GLIS1: variants seen among roughly 807,000 people sequenced by gnomAD.
GLIS1 encodes zinc finger protein GLIS1.
Under a neutral mutation model 63.8 loss-of-function variants are expected in GLIS1, and 24 were observed. The observed-to-expected ratio is 0.38, with a 90% CI of 0.27 to 0.53. The LOEUF is 0.53. Ranked by LOEUF, GLIS1 falls within the 20% of genes least tolerant of loss-of-function variation. The pLI is 0.85. For synonymous variants in GLIS1, 450 were observed against 482.5 expected, an observed-to-expected ratio of 0.93 and a Z score of 0.88; for missense variants, 1,036 against 1,074.1, an observed-to-expected ratio of 0.96 and a Z score of 0.50.
chr1:53,554,413 T>C (rs1403789937), intron 4 of GLIS1, among the ~76,000 whole-genome samples: 1 of 152,142 alleles, frequency 6.6e-6, no homozygotes. Flanking sequence ...ACTGAGGTCA[T>C]GGCAGGCAGT....
intron 2 of GLIS1, among the ~76,000 whole-genome samples, chr1:53,625,329 G>A (rs1482362382): frequency 6.6e-6 from 1 of 152,146 alleles, no homozygotes; most frequent in Non-Finnish European, 1.5e-5. Flanking sequence ...TTTATTTGGG[G>A]GCTTTGAGTA....
At chr1:53,543,150 AT>A (rs1344363874) in intron 4 of GLIS1, among the ~76,000 whole-genome samples, 3 of 152,026 alleles carry the variant, frequency 2.0e-5, no homozygotes, top group East Asian at 1.9e-4. Flanking sequence ...TTAAAGTTAC[AT>A]TTTTTTTCTC....
intron 2 of GLIS1, among the ~76,000 whole-genome samples, chr1:53,618,035 C>G (rs79940482): frequency 6.6e-6 from 1 of 152,252 alleles, no homozygotes; most frequent in African/African-American, 2.4e-5. Flanking sequence ...GGTGAGCAGG[C>G]AGTCCAGGCC....
chr1:53,592,150 C>T (rs904469084), intron 4 of GLIS1, among the ~76,000 whole-genome samples: 6 of 152,090 alleles, frequency 3.9e-5, no homozygotes, highest in Admixed American at 6.5e-5. Flanking sequence ...GCAGCCTGGC[C>T]GCAGAGAGAG....
rs1323124747 is a variant in GLIS1 at position 53,639,244 on chromosome 1, A to T, written c.260-38966T>A. Among the ~76,000 whole-genome samples, 1 of 152,088 alleles carries T rather than the reference A, an allele frequency of 6.6e-6. No individual in the cohort carries two copies. The highest frequency in any genetic ancestry group is 2.4e-5 in the African/African-American group (1 of 41,418). ...CACTGGCCACACTCTCCAGCATTAC[A>T]CTAAGGGAGCTGCGGGCTGGCAGGG... On this transcript the variant is annotated intron_variant, in intron 2 of 10. Transcript: ENST00000628545. This position sits in a 1 kb window ranked among gnomAD's most constrained non-coding sequence, Gnocchi z 4.6.
At position 53,529,869 on chromosome 1, in the gene GLIS1, C is replaced by G; in HGVS notation, c.1404G>C (p.Leu468=). ...LRSHTGEKPY[L]CQHPGCQKAF... ...CCTTCTGGCAACCCGGGTGCTGGCACAGGTACGGCTTCTCGCCCGTGTGGC... is the reference window on the plus strand; with the variant it reads ...CCTTCTGGCAACCCGGGTGCTGGCAGAGGTACGGCTTCTCGCCCGTGTGGC... The change falls in exon 5 of 11, where the codon CTG becomes CTC. Residue 468 remains leucine (L), a synonymous_variant. Coordinates refer to ENST00000628545, the MANE Select transcript of GLIS1 (RefSeq NM_001367484.1). The G allele has an allele frequency of 1.9e-6, 3 of 1,613,958 alleles. No individual in the cohort carries two copies. Among genetic ancestry groups the G allele is most frequent in the Non-Finnish European group, 2.5e-6 (3 of 1,179,976 alleles).
Position 53,583,525 on chromosome 1 carries a change from C to T in GLIS1, c.1320+10583G>A, listed in dbSNP as rs747746196. Among the ~76,000 whole-genome samples the T allele has an allele frequency of 5.9e-5, 9 of 152,184 alleles. No individual in the cohort carries two copies. The South Asian group carries it at 6.2e-4, about 11-fold the overall frequency. The stretch of plus-strand genomic sequence containing the variant: ...GCCCCATCCCCAGGAAACGTACCGC[C>T]CAGTACCACATTGTCCATCTGCTGT... On this transcript the variant is annotated intron_variant, in intron 4 of 10. Transcript: ENST00000628545.
At chr1:53,582,751 G>A (rs964440219) in intron 4 of GLIS1, among the ~76,000 whole-genome samples, 3 of 152,190 alleles carry the variant, frequency 2.0e-5, no homozygotes, top group Non-Finnish European at 2.9e-5. Flanking sequence ...TGCCTCTTTC[G>A]CTCTGCAATT....
At chr1:53,665,020 A>G (rs959475237) in intron 2 of GLIS1, among the ~76,000 whole-genome samples, 2 of 152,130 alleles carry the variant, frequency 1.3e-5, no homozygotes, top group African/African-American at 2.4e-5. Flanking sequence ...TGCCATTGTA[A>G]GTAAGGACTG....
chr1:53,707,035 T>A (rs1050362048), intron 2 of GLIS1, among the ~76,000 whole-genome samples: 1 of 152,152 alleles, frequency 6.6e-6, no homozygotes, highest in African/African-American at 2.4e-5. Flanking sequence ...GCTTCTTTTT[T>A]AAAAGTAAGG....
At chr1:53,535,191 C>A (rs1439918444) in intron 4 of GLIS1, among the ~76,000 whole-genome samples, 3 of 151,974 alleles carry the variant, frequency 2.0e-5, no homozygotes, top group Admixed American at 1.3e-4. Context: ...CTGCAGCAGG[C>A]AAATTTGGGG....
chr1:53,617,855 T>C lies in GLIS1; in HGVS notation c.260-17577A>G, dbSNP rs376352210. 8.3e-4 allele frequency among the ~76,000 whole-genome samples: 126 copies of C among 152,270 alleles called. No individual in the cohort carries two copies. In the South Asian group the frequency reaches 0.026, roughly 31 times the overall value. ...CAGCTCCCAGCCATCCTTCTTCAGG[T>C]AGGGAAAGCAAGGTCTCCCCCAAGG... On this transcript the variant is annotated intron_variant, in intron 2 of 10. Coordinates refer to ENST00000628545, the MANE Select transcript of GLIS1 (RefSeq NM_001367484.1).
chr1:53,688,108 G>T (rs1646360729), intron 2 of GLIS1, among the ~76,000 whole-genome samples: 1 of 152,212 alleles, frequency 6.6e-6, no homozygotes, highest in Non-Finnish European at 1.5e-5. Context: ...TTCCTGCTCG[G>T]CAGGCTCTGG....
intron 6 of GLIS1, among the ~76,000 whole-genome samples, chr1:53,524,363 C>G (rs2100307588): frequency 6.6e-6 from 1 of 152,380 alleles, no homozygotes. Context: ...CTCTCGCCAT[C>G]TTAATGACAT....
chr1:53,516,302 G>T (rs1569728071), intron 7 of GLIS1, among the ~76,000 whole-genome samples: 1 of 152,176 alleles, frequency 6.6e-6, no homozygotes, highest in African/African-American at 2.4e-5. Flanking sequence ...TTCTCAGTTG[G>T]TTGGGGTTCC....
intron 4 of GLIS1, among the ~76,000 whole-genome samples, chr1:53,556,738 G>A (rs1644837796): frequency 6.8e-6 from 1 of 146,868 alleles, no homozygotes. Flanking sequence ...TGTACTGGAG[G>A]TGTGTGTGTG....
intron 7 of GLIS1, among the ~76,000 whole-genome samples, chr1:53,518,135 C>T (rs1362599464): frequency 1.3e-5 from 2 of 152,210 alleles, no homozygotes; most frequent in East Asian, 3.8e-4. Flanking sequence ...CTAGGGGATC[C>T]AGGACCCCGG....
chr1:53,678,453 TA>T (rs551384607), intron 2 of GLIS1, among the ~76,000 whole-genome samples: 15 of 148,848 alleles, frequency 1.0e-4, no homozygotes, highest in African/African-American at 2.7e-4. Context: ...CTGGCATCAT[TA>T]AAAAAAAACA....
At chr1:53,631,196 C>A (rs1645648907) in intron 2 of GLIS1, among the ~76,000 whole-genome samples, 1 of 152,086 alleles carries the variant, frequency 6.6e-6, no homozygotes, top group South Asian at 2.1e-4. Flanking sequence ...AAAGCTAGTC[C>A]TTTTCCAACC....
Sources: gnomAD v4.1 joint callset for allele counts (sites outside exome capture counted in the v4.1 genomes callset) on GRCh38, gnomAD v4.1.1 for gene constraint, Gnocchi (gnomAD v3.1) non-coding constraint, MANE v1.5 for transcripts, NCBI Gene and HGNC (gene_info 2026-07-23, HGNC 2026-07-21) for gene names.